TNFSF11: variants seen among roughly 807,000 people sequenced by gnomAD.
The protein encoded by TNFSF11 is TNF superfamily member 11.
Under a neutral mutation model 32.2 loss-of-function variants are expected in TNFSF11, and 12 were observed. The ratio of observed to expected loss-of-function variants is 0.37; its 90% CI spans 0.24 to 0.60. TNFSF11 has a LOEUF of 0.60. Ranked by LOEUF, TNFSF11 falls within the 20% of genes least tolerant of loss-of-function variation. The pLI is 0.66. For missense variants in TNFSF11, 345 were observed against 398.0 expected (o/e 0.87, Z 1.13); for synonymous variants, 172 against 152.1 (o/e 1.13, Z -0.96).
Position 42,574,218 on chromosome 13 carries a change from C to T in TNFSF11, c.-86C>T, listed in dbSNP as rs1275007616. On this transcript the variant is annotated 5_prime_UTR_variant, in exon 1 of 5. Coordinates refer to ENST00000398795, the MANE Select transcript of TNFSF11 (RefSeq NM_003701.4). Reference sequence around the variant, plus strand: ...AAGTCGGCGCCCCACGTCGAGGCTCCGCCGCAGCCTCCGGAGTTGGCCGCA... The same window carrying T: ...AAGTCGGCGCCCCACGTCGAGGCTCTGCCGCAGCCTCCGGAGTTGGCCGCA... 6 of 1,513,300 alleles carry T rather than the reference C, an allele frequency of 4.0e-6. No homozygotes were observed. The highest frequency in any genetic ancestry group is 5.4e-6 in the Non-Finnish European group (6 of 1,119,900). The allele number at this position is 1,513,300 out of a possible 1,614,324, so 93.7% of individuals were successfully genotyped here. A position where few individuals can be genotyped will look rare whatever the true frequency, so the allele number is the denominator to read the frequency against.
intron 2 of TNFSF11, among the ~76,000 whole-genome samples, chr13:42,568,892 G>A (rs1242253693): frequency 1.3e-5 from 2 of 152,184 alleles, no homozygotes; most frequent in African/African-American, 4.8e-5. Flanking sequence ...TAAATTAGTT[G>A]CAACTGGCTT....
At chr13:42,595,854 T>C (rs1465968847) in intron 2 of TNFSF11, among the ~76,000 whole-genome samples, 1 of 152,252 alleles carries the variant, frequency 6.6e-6, no homozygotes, top group African/African-American at 2.4e-5. Context: ...CAGAACTTTC[T>C]GAATTCAAAG....
chr13:42,571,928 C>T (rs1250411485), upstream of TNFSF11, among the ~76,000 whole-genome samples: 2 of 152,170 alleles, frequency 1.3e-5, no homozygotes, highest in South Asian at 2.1e-4. Flanking sequence ...CCTACTATAG[C>T]AGGCAACATT....
chr13:42,605,001 T>C (rs1247313359), intron 4 of TNFSF11, among the ~76,000 whole-genome samples: 1 of 152,136 alleles, frequency 6.6e-6, no homozygotes, highest in Non-Finnish European at 1.5e-5. Flanking sequence ...ACCAGGCTGG[T>C]CTCGAACTCC....
At chr13:42,586,090 A>T (rs747167067) in intron 2 of TNFSF11, among the ~76,000 whole-genome samples, 1 of 152,254 alleles carries the variant, frequency 6.6e-6, no homozygotes, top group Non-Finnish European at 1.5e-5. Context: ...ATGTACAAAT[A>T]TACGAGAGTG....
intron 2 of TNFSF11, among the ~76,000 whole-genome samples, chr13:42,592,082 C>T (rs1485001329): frequency 6.6e-6 from 1 of 152,172 alleles, no homozygotes; most frequent in Non-Finnish European, 1.5e-5. Flanking sequence ...TCTGTACTCT[C>T]ATAACCTGTC....
In TNFSF11 at chr13:42,587,543, T is replaced by C. The variant is rs145555235; in HGVS notation, c.387+6250T>C. On this transcript the variant is annotated intron_variant, in intron 2 of 4. Coordinates refer to ENST00000398795, the MANE Select transcript of TNFSF11 (RefSeq NM_003701.4). ...TGTATTTTCAAAAGGTCAAAATACT[T>C]TGGGATTATTTAGATTGCAAGAGAG... is the stretch of plus-strand genomic sequence containing the variant. 6.7e-3 allele frequency among the ~76,000 whole-genome samples: 1,014 copies of C among 152,296 alleles called. 1 individual carries two copies. The highest frequency in any genetic ancestry group is 0.012 in the Non-Finnish European group (808 of 68,020).
chr13:42,590,267 AAGCT>A (rs1298045328), intron 2 of TNFSF11, among the ~76,000 whole-genome samples: 1 of 152,230 alleles, frequency 6.6e-6, no homozygotes, highest in Non-Finnish European at 1.5e-5. Context: ...ATATTGCCAG[AAGCT>A]AGCCAGCCAT....
At chr13:42,581,030 G>A (rs1873579706) in intron 1 of TNFSF11, 96 bp from the exon 2 acceptor site, 1 of 1,310,020 alleles carries the variant, frequency 7.6e-7, no homozygotes, top group Non-Finnish European at 1.1e-6. Context: ...AAAGACTCTT[G>A]CGAGTATGAA....
chr13:42,567,182 T>C (rs1872901718), intron 2 of TNFSF11, among the ~76,000 whole-genome samples: 2 of 152,134 alleles, frequency 1.3e-5, no homozygotes, highest in South Asian at 4.1e-4. Context: ...GACCCTTTGA[T>C]ATTATTTAAT....
intron 2 of TNFSF11, among the ~76,000 whole-genome samples, chr13:42,589,662 A>C (rs188534905): frequency 4.6e-5 from 7 of 152,002 alleles, no homozygotes; most frequent in Non-Finnish European, 8.8e-5. Flanking sequence ...GCCTCACCAC[A>C]GTATGGTGCT....
chr13:42,578,724 G>A (rs1164604858), intron 1 of TNFSF11, among the ~76,000 whole-genome samples: 1 of 152,090 alleles, frequency 6.6e-6, no homozygotes, highest in Admixed American at 6.5e-5. Context: ...AAATTGGCCA[G>A]TGAGGGGTGG....
In TNFSF11 at chr13:42,607,997, T is replaced by G. The variant is rs1869560160; in HGVS notation, c.*1079T>G. On this transcript the variant is annotated 3_prime_UTR_variant, in exon 5 of 5. Transcript: ENST00000398795. ...GTTAATTTTTTGGTACAAAAATAAA[T>G]TTATATGAAAACCTGCCTTGTGATT... 1 of 152,774 alleles carries G rather than the reference T, an allele frequency of 6.5e-6. No individual in the cohort carries two copies. The highest frequency in any genetic ancestry group is 2.1e-4 in the South Asian group (1 of 4,830). 9.5% of individuals were successfully genotyped at this position (152,774 alleles called of 1,614,324 possible). A position where few individuals can be genotyped will look rare whatever the true frequency, so the allele number is the denominator to read the frequency against.
intron 1 of TNFSF11, among the ~76,000 whole-genome samples, chr13:42,574,772 G>A (rs922767137): frequency 2.0e-5 from 3 of 152,200 alleles, no homozygotes; most frequent in Non-Finnish European, 2.9e-5. Context: ...GACTCCCCTG[G>A]CCGGACGATG....
At position 42,574,397 on chromosome 13, in the gene TNFSF11, G is replaced by C. The variant is rs536686560; in HGVS notation, c.94G>C (p.Ala32Pro). 5 of 1,554,176 alleles carry C rather than the reference G, an allele frequency of 3.2e-6. No homozygotes were observed. In the East Asian group the frequency reaches 1.2e-4, roughly 37 times the overall value. ...PGAPHEGPLH[A>P]PPPPAPHQPP... ...AGCCCCGCACGAGGGCCCCCTGCAC[G>C]CCCCGCCGCCGCCTGCGCCGCACCA... Residue 32 changes from alanine (A) to proline (P), a missense_variant, in exon 1 of 5, where the codon GCC (alanine) becomes CCC (proline). This residue lies in a region of TNFSF11 where 197 missense variants were observed against 182.0 expected (regional missense o/e 1.08). Coordinates refer to ENST00000398795, the MANE Select transcript of TNFSF11 (RefSeq NM_003701.4).
At chr13:42,585,087 T>C (rs1873819670) in intron 2 of TNFSF11, among the ~76,000 whole-genome samples, 1 of 152,244 alleles carries the variant, frequency 6.6e-6, no homozygotes, top group African/African-American at 2.4e-5. Context: ...CTTCTCTTAC[T>C]CTATTCAGAT....
chr13:42,590,550 G>T (rs1376395716), intron 2 of TNFSF11, among the ~76,000 whole-genome samples: 1 of 152,204 alleles, frequency 6.6e-6, no homozygotes, highest in Non-Finnish European at 1.5e-5. Context: ...AAGAGATGAG[G>T]ATTTGTCAAT....
intron 1 of TNFSF11, among the ~76,000 whole-genome samples, chr13:42,578,693 C>T (rs533342216): frequency 1.3e-5 from 2 of 151,792 alleles, no homozygotes; most frequent in African/African-American, 4.8e-5. Flanking sequence ...TGATTGGACA[C>T]TTCCCTTAGG....
intron 4 of TNFSF11, among the ~76,000 whole-genome samples, chr13:42,603,818 G>T (rs1161205390): frequency 1.3e-5 from 2 of 152,154 alleles, no homozygotes; most frequent in Non-Finnish European, 2.9e-5. Context: ...TGCCATTAAG[G>T]CACAGTTGGT....
Sources: gnomAD v4.1 joint callset for allele counts (sites outside exome capture counted in the v4.1 genomes callset) on GRCh38, gnomAD v4.1.1 for gene constraint, gnomAD v4.1.1 regional missense constraint, MANE v1.5 for transcripts, NCBI Gene and HGNC (gene_info 2026-07-23, HGNC 2026-07-21) for gene names.